The following GOLT1A variants were observed in gnomAD, a reference collection of about 807,000 sequenced individuals.
The protein encoded by GOLT1A is vesicle transport protein GOT1A.
A neutral mutation model predicts 16.1 loss-of-function variants in GOLT1A; 10 were observed. The observed-to-expected ratio is 0.62, with a 90% confidence interval of 0.38 to 1.05. GOLT1A has a LOEUF of 1.05. Ranked by LOEUF, GOLT1A falls within the 50% of genes least tolerant of loss-of-function variation. The pLI is 0.01. For synonymous variants in GOLT1A, 60 were observed against 67.9 expected (o/e 0.88, Z 0.57); for missense variants, 137 against 165.7 (o/e 0.83, Z 0.95).
chr1:204,208,176 T>C (rs2102339056), intron 1 of GOLT1A, among the ~76,000 whole-genome samples: 1 of 151,928 alleles, frequency 6.6e-6, no homozygotes, highest in African/African-American at 2.4e-5. Context: ...CGGAGGAAAA[T>C]AAATCATTAT....
rs1658913029 is a variant in GOLT1A at position 204,199,227 on chromosome 1, CCAGGAAGCCGAAG to C, written c.315_327del (p.Phe106AlafsTer28). 6.2e-7 allele frequency: 1 copy of C among 1,603,750 alleles called. No individual in the cohort carries two copies. Among genetic ancestry groups the C allele is most frequent in the East Asian group, 2.2e-5 (1 of 44,602 alleles). On this transcript the variant is annotated frameshift_variant, in exon 4 of 5. Coordinates refer to ENST00000308302, the MANE Select transcript of GOLT1A (RefSeq NM_198447.2). LOFTEE classifies it high-confidence loss of function. ...AGGAAGGGGATGTTGCAGACATTGC[CCAGGAAGCCGAAG>C]GCGACAGGGAAAAAGCCCCTAGGAG...
rs773010084 is a variant in GOLT1A, at chr1:204,201,665, G to C, written c.264C>G (p.Phe88Leu). Residue 88 changes from phenylalanine to leucine, a missense_variant, in exon 3 of 5, where the codon TTC becomes TTG. By Grantham distance (22) the Phe-to-Leu change is conservative (BLOSUM62 0). Coordinates refer to ENST00000308302, the MANE Select transcript of GOLT1A (RefSeq NM_198447.2). ...VLLRWPLLGMFLETYGFFSLF... is the reference protein window; with the variant it reads ...VLLRWPLLGMLLETYGFFSLF... ...GGCTGAAGAATCCGTAGGTTTCCAG[G>C]AACATGCCGAGGAGGGGCCAGCGTA... The C allele has an allele frequency of 3.1e-6, 5 of 1,613,974 alleles. No homozygotes were observed. The highest frequency in any genetic ancestry group is 4.2e-6 in the Non-Finnish European group (5 of 1,180,004).
chr1:204,198,905 CT>C (rs1658906487), intron 4 of GOLT1A: 2 of 506,878 alleles, frequency 3.9e-6, no homozygotes, highest in Admixed American at 3.3e-5. Context: ...CCTAGAGTCT[CT>C]GCGTCTTCAT....
chr1:204,211,091 G>A (rs1234805021), intron 1 of GOLT1A, among the ~76,000 whole-genome samples: 2 of 151,124 alleles, frequency 1.3e-5, no homozygotes, highest in African/African-American at 2.4e-5. Flanking sequence ...CCTAATTCCC[G>A]GCCACGATCA....
At chr1:204,211,768 T>A (rs1225816624) in intron 1 of GOLT1A, among the ~76,000 whole-genome samples, 1 of 152,126 alleles carries the variant, frequency 6.6e-6, no homozygotes, top group Non-Finnish European at 1.5e-5. Flanking sequence ...GATGGAAATT[T>A]GTTTCCCAGG....
At chr1:204,213,496 T>C (rs1659169929) in intron 1 of GOLT1A, among the ~76,000 whole-genome samples, 2 of 152,286 alleles carry the variant, frequency 1.3e-5, no homozygotes, top group Non-Finnish European at 2.9e-5. Context: ...GAGTTTAGTT[T>C]TTTATAAGAA....
intron 1 of GOLT1A, among the ~76,000 whole-genome samples, chr1:204,207,436 G>A (rs1659059157): frequency 6.6e-6 from 1 of 152,124 alleles, no homozygotes; most frequent in African/African-American, 2.4e-5. Flanking sequence ...GGCTGCACTG[G>A]TGCCCTTGTT....
chr1:204,207,349 C>T (rs957420157), intron 1 of GOLT1A, among the ~76,000 whole-genome samples: 2 of 152,220 alleles, frequency 1.3e-5, no homozygotes, highest in Admixed American at 1.3e-4. Flanking sequence ...GCCCGGCTCT[C>T]CAGGCGCCAC....
chr1:204,198,384 TGA>T lies in GOLT1A; in HGVS notation c.*72_*73del. 7.3e-7 allele frequency: 1 copy of T among 1,377,664 alleles called. No homozygotes were observed. Among genetic ancestry groups the T allele is most frequent in the Non-Finnish European group, 1.0e-6 (1 of 967,698 alleles). The allele number at this position is 1,377,664 out of a possible 1,614,324, so 85.3% of individuals were successfully genotyped here. On this transcript the variant is annotated 3_prime_UTR_variant, in exon 5 of 5. Coordinates refer to ENST00000308302, the MANE Select transcript of GOLT1A (RefSeq NM_198447.2). ...CGGGGAGTGAGTCAGTGCAGGGGAC[TGA>T]GGGGGTGGTTCCCATTCTCCCTCTA...
rs566126965 is a variant in GOLT1A, at chr1:204,199,393, G to C, written c.297-135C>G. On this transcript the variant is annotated intron_variant, in intron 3 of 4. Transcript: ENST00000308302. The stretch of plus-strand genomic sequence containing the variant: ...GGGACAGGCTTGATTCTGCACTCCT[G>C]TGTTCCGAGAGACAGTCGAGTGACA... 10 of 697,874 alleles carry C rather than the reference G, an allele frequency of 1.4e-5. 1 individual carries two copies. In the Middle Eastern group the frequency reaches 2.2e-3, roughly 153 times the overall value. 43.2% of individuals were successfully genotyped at this position (697,874 alleles called of 1,614,324 possible). A position where few individuals can be genotyped will look rare whatever the true frequency, so the allele number is the denominator to read the frequency against.
intron 3 of GOLT1A, among the ~76,000 whole-genome samples, chr1:204,200,466 G>A (rs1269991727): frequency 6.6e-6 from 1 of 151,044 alleles, no homozygotes; most frequent in African/African-American, 2.4e-5. Flanking sequence ...TGGGATTACA[G>A]GCACTTGCCA....
intron 1 of GOLT1A, among the ~76,000 whole-genome samples, chr1:204,211,048 T>C (rs577016641): frequency 6.6e-6 from 1 of 151,980 alleles, no homozygotes; most frequent in South Asian, 2.1e-4. Context: ...AAGATACATG[T>C]TGAAAGCTGT....
chr1:204,204,839 G>T (rs1204983583), intron 1 of GOLT1A, among the ~76,000 whole-genome samples: 1 of 152,168 alleles, frequency 6.6e-6, no homozygotes, highest in African/African-American at 2.4e-5. Flanking sequence ...TATCTGTTTT[G>T]TTTTGTTTTG....
Position 204,201,799 on chromosome 1 carries a change from T to C in GOLT1A, c.130A>G (p.Thr44Ala). ...AGGCCAATGATGAGGGACAGGCCCGTCAGGAACAGCAGCTGTAGGGGAGGG... is the reference window on the plus strand; with the variant it reads ...AGGCCAATGATGAGGGACAGGCCCGCCAGGAACAGCAGCTGTAGGGGAGGG... ...LLAFGNLLFL[T>A]GLSLIIGLRK... is the part of the protein sequence containing the mutation. Residue 44 changes from threonine (T) to alanine (A), a missense_variant, in exon 3 of 5, where the codon ACG becomes GCG. By Grantham distance (58) the Thr-to-Ala change is moderately conservative. Transcript: ENST00000308302. 3 of 1,613,908 alleles carry C rather than the reference T, an allele frequency of 1.9e-6. No individual in the cohort carries two copies. The highest frequency in any genetic ancestry group is 2.5e-6 in the Non-Finnish European group (3 of 1,179,950).
intron 1 of GOLT1A, among the ~76,000 whole-genome samples, chr1:204,207,252 G>A (rs1659053635): frequency 6.6e-6 from 1 of 152,220 alleles, no homozygotes; most frequent in Admixed American, 6.5e-5. Context: ...GACAGATTGG[G>A]CAGCGCGCCC....
intron 1 of GOLT1A, among the ~76,000 whole-genome samples, chr1:204,211,989 A>T (rs765551634): frequency 1.3e-5 from 2 of 152,092 alleles, no homozygotes; most frequent in African/African-American, 2.4e-5. Flanking sequence ...GGATGCTCAT[A>T]GTCCTAAAAA....
At chr1:204,201,866 G>A in intron 2 of GOLT1A, 55 bp from the exon 3 acceptor site, 1 of 1,548,786 alleles carries the variant, frequency 6.5e-7, no homozygotes, top group Non-Finnish European at 8.8e-7. Flanking sequence ...TGAGGAGTGA[G>A]GGACTTAGGC....
Position 204,204,975 on chromosome 1 carries a change from T to C in GOLT1A, c.26-1988A>G, listed in dbSNP as rs535048766. 1.2e-4 allele frequency among the ~76,000 whole-genome samples: 18 copies of C among 152,354 alleles called. No individual in the cohort carries two copies. The East Asian group carries it at 2.5e-3, about 21-fold the overall frequency. The stretch of plus-strand genomic sequence containing the variant: ...CTATGTGTATATCTTCTTTGGAGAA[T>C]TGTCTAGTTAAGTCCTTTGCCTATT... On this transcript the variant is annotated intron_variant, in intron 1 of 4. Transcript: ENST00000308302.
chr1:204,213,882 T>C lies in GOLT1A; in HGVS notation c.25A>G (p.Lys9Glu). 11 of 1,613,292 alleles carry C rather than the reference T, an allele frequency of 6.8e-6. No homozygotes were observed. The highest frequency in any genetic ancestry group is 8.5e-6 in the Non-Finnish European group (10 of 1,179,840). MISITEWQ[K>E]IGVGITGFGI... is the part of the protein sequence containing the mutation. The stretch of plus-strand genomic sequence containing the variant: ...TTGCAGCCCCGCTCATCCCACTTAC[T>C]CTGCCATTCGGTGATGGAGATCATG... The change falls in exon 1 of 5, where the codon AAG becomes GAG. Residue 9 changes from lysine to glutamate, a missense_variant and splice_region_variant. Transcript: ENST00000308302.
Sources: gnomAD v4.1 joint callset for allele counts (sites outside exome capture counted in the v4.1 genomes callset) on GRCh38, gnomAD v4.1.1 for gene constraint, MANE v1.5 for transcripts, NCBI Gene and HGNC (gene_info 2026-07-23, HGNC 2026-07-21) for gene names.